CCL28: variants seen among roughly 807,000 people sequenced by gnomAD.
CCL28 encodes the protein C-C motif chemokine 28.
CCL28 carries 4 observed loss-of-function variants against 7.1 expected under a neutral mutation model. The observed-to-expected ratio is 0.56, with a 90% CI of 0.28 to 1.29. The LOEUF (loss-of-function observed/expected upper bound fraction) is 1.29, where lower values mean the gene tolerates loss of function less well. Among genes scored for constraint, CCL28 ranks in the 50% most tolerant of loss-of-function variants. CCL28 has a pLI of 0.11. For missense variants in CCL28, 151 were observed against 163.4 expected, an observed-to-expected ratio of 0.92 and a Z score of 0.41; for synonymous variants, 55 against 57.8, an observed-to-expected ratio of 0.95 and a Z score of 0.22.
chr5:43,360,603 CT>C, the CCL28 span, among the ~76,000 whole-genome samples: 5 of 152,000 alleles, frequency 3.3e-5, no homozygotes, highest in East Asian at 3.9e-4. Flanking sequence ...ACATGATCTC[CT>C]TTTTTTATGG....
chr5:43,403,548 C>T (rs1327078446), intron 1 of CCL28, among the ~76,000 whole-genome samples: 7 of 152,134 alleles, frequency 4.6e-5, no homozygotes, highest in Non-Finnish European at 7.4e-5. Flanking sequence ...GACAAAACCA[C>T]AAAAATGGAG....
At chr5:43,376,933 C>G (rs1336570904), downstream of CCL28, 1 of 152,180 alleles carries the variant, frequency 6.6e-6, no homozygotes, top group Non-Finnish European at 1.5e-5. Context: ...TCATAATGTT[C>G]AAGCTGTTAT....
chr5:43,412,047 T>G (rs1446429650), intron 1 of CCL28, among the ~76,000 whole-genome samples: 1 of 152,248 alleles, frequency 6.6e-6, no homozygotes, highest in Non-Finnish European at 1.5e-5. Flanking sequence ...ATTTGTAGTA[T>G]GCCTGTTAGA....
At chr5:43,391,012 T>C (rs986354228) in intron 1 of CCL28, among the ~76,000 whole-genome samples, 2 of 152,196 alleles carry the variant, frequency 1.3e-5, no homozygotes, top group African/African-American at 4.8e-5. Flanking sequence ...GTATCAACTT[T>C]TGCTCCATTA....
At chr5:43,399,523 G>C (rs940953499) in intron 1 of CCL28, among the ~76,000 whole-genome samples, 4 of 152,146 alleles carry the variant, frequency 2.6e-5, no homozygotes, top group Admixed American at 2.6e-4. Context: ...ACATTGTCTG[G>C]TATTAGTGCT....
At chr5:43,360,737 G>C in the CCL28 span, among the ~76,000 whole-genome samples, 2 of 152,062 alleles carry the variant, frequency 1.3e-5, no homozygotes, top group African/African-American at 4.8e-5. Context: ...CTTTTGAAAA[G>C]TGTCTGTTCA....
intron 1 of CCL28, among the ~76,000 whole-genome samples, chr5:43,389,307 G>A (rs1306135393): frequency 1.3e-5 from 2 of 152,184 alleles, no homozygotes; most frequent in African/African-American, 4.8e-5. Context: ...AATACTGGTT[G>A]TTCCTACATT....
At chr5:43,373,432 C>G (rs35001439), downstream of CCL28, among the ~76,000 whole-genome samples, 2,056 of 152,054 alleles carry the variant, frequency 0.014, 38 homozygotes, top group East Asian at 0.084. Flanking sequence ...TCCCGAGTAG[C>G]TGGGATTACA....
chr5:43,395,037 T>C (rs943288068), intron 1 of CCL28, among the ~76,000 whole-genome samples: 3 of 151,310 alleles, frequency 2.0e-5, no homozygotes, highest in African/African-American at 7.3e-5. Flanking sequence ...ATCTCAACAA[T>C]GCATTAGGTA....
the CCL28 span, among the ~76,000 whole-genome samples, chr5:43,360,188 C>T: frequency 0.015 from 2,336 of 152,164 alleles, 64 homozygotes; most frequent in African/African-American, 0.052. Flanking sequence ...ACTCAAATGT[C>T]AACATTGGCT....
intron 1 of CCL28, among the ~76,000 whole-genome samples, chr5:43,401,810 C>T (rs902476562): frequency 6.6e-6 from 1 of 152,140 alleles, no homozygotes; most frequent in Non-Finnish European, 1.5e-5. Context: ...ATTTCCTGTT[C>T]TATGAAATTG....
At chr5:43,375,044 C>T (rs1428161169), downstream of CCL28, among the ~76,000 whole-genome samples, 1 of 151,822 alleles carries the variant, frequency 6.6e-6, no homozygotes, top group Non-Finnish European at 1.5e-5. Context: ...GGCTGGAGTG[C>T]AATACTGCGG....
chr5:43,393,006 T>C (rs961832518), intron 1 of CCL28, among the ~76,000 whole-genome samples: 2 of 152,232 alleles, frequency 1.3e-5, no homozygotes, highest in Non-Finnish European at 2.9e-5. Context: ...AATAATTTTG[T>C]TTTAAAAAGC....
At chr5:43,412,101 G>T in intron 1 of CCL28, 152 bp downstream of exon 1, 1 of 522,106 alleles carries the variant, frequency 1.9e-6, no homozygotes, top group Non-Finnish European at 3.2e-6. Flanking sequence ...AGAATTTAAA[G>T]CTATGTCATT....
the CCL28 span, among the ~76,000 whole-genome samples, chr5:43,370,750 T>C: frequency 4.0e-5 from 6 of 151,694 alleles, no homozygotes; most frequent in African/African-American, 1.2e-4. Context: ...CTCTCTTTTT[T>C]TTTTTTTTTG....
chr5:43,364,313 GTGTGTATGTACATGTACA>G, the CCL28 span, among the ~76,000 whole-genome samples: 17 of 151,960 alleles, frequency 1.1e-4, no homozygotes, highest in Admixed American at 3.9e-4. Context: ...ATATGTGTGT[GTGTGTATGTACATGTACA>G]TGTGTGTGTA....
At chr5:43,358,633 T>C in the CCL28 span, among the ~76,000 whole-genome samples, 1 of 152,248 alleles carries the variant, frequency 6.6e-6, no homozygotes, top group African/African-American at 2.4e-5. Flanking sequence ...CAGCAACTGC[T>C]GGGAATTAGG....
At chr5:43,370,562 C>T in the CCL28 span, among the ~76,000 whole-genome samples, 5 of 152,104 alleles carry the variant, frequency 3.3e-5, no homozygotes, top group African/African-American at 1.2e-4. Flanking sequence ...TCCTAGATCA[C>T]TCAAATGGAT....
chr5:43,370,736 TTCTCTC>T, the CCL28 span, among the ~76,000 whole-genome samples: 1,116 of 100,082 alleles, frequency 0.011, 24 homozygotes, highest in East Asian at 0.055. Flanking sequence ...TTATCTCTCT[TTCTCTC>T]TCTTTTTTTT....
Sources: gnomAD v4.1 joint callset for allele counts (sites outside exome capture counted in the v4.1 genomes callset) on GRCh38, gnomAD v4.1.1 for gene constraint, MANE v1.5 for transcripts, NCBI Gene and HGNC (gene_info 2026-07-23, HGNC 2026-07-21) for gene names.